The following PTCH1 variants were observed in gnomAD, a reference collection of about 807,000 sequenced individuals.
The protein encoded by PTCH1 is protein patched homolog 1.
PTCH1 carries 14 observed loss-of-function variants against 144.6 expected under a neutral mutation model. That is an observed-to-expected ratio of 0.10 (90% confidence interval 0.06 to 0.15). The LOEUF is 0.15. Ranked by LOEUF, PTCH1 falls within the 10% of genes least tolerant of loss-of-function variation. The pLI, the probability that PTCH1 is intolerant of heterozygous loss-of-function variation, is 1.00. For missense variants in PTCH1, 1,623 were observed against 1,948.3 expected, an observed-to-expected ratio of 0.83 and a Z score of 3.14; for synonymous variants, 833 against 793.6, an observed-to-expected ratio of 1.05 and a Z score of -0.83.
chr9:95,507,177 G>A, intron 1 of PTCH1: 2 of 985,588 alleles, frequency 2.0e-6, no homozygotes, highest in East Asian at 2.3e-4. Context: ...CATAGCGTGG[G>A]GAGAGGCTGT....
intron 2 of PTCH1, among the ~76,000 whole-genome samples, chr9:95,488,646 G>A (rs1842159861): frequency 6.6e-6 from 1 of 152,126 alleles, no homozygotes; most frequent in Non-Finnish European, 1.5e-5. Context: ...CAGGCAGTGG[G>A]GATGTGGTGG....
At chr9:95,508,038 AGTG>A in intron 1 of PTCH1, 120 bp downstream of exon 1, 1 of 1,356,060 alleles carries the variant, frequency 7.4e-7, no homozygotes, top group African/African-American at 2.0e-5. Context: ...GAGAGGTGTG[AGTG>A]AGTGTGTGTG....
rs369188439 is a variant in PTCH1, at chr9:95,516,096, G to A, written c.3+373C>T. 3.2e-4 allele frequency among the ~76,000 whole-genome samples: 48 copies of A among 152,168 alleles called. No individual in the cohort carries two copies. In the East Asian group the frequency reaches 5.2e-3, roughly 17 times the overall value. On this transcript the variant is annotated intron_variant, in intron 1 of 22. Coordinates refer to the PTCH1 transcript ENST00000430669. ...CACCAGGCTGATGAGCGGAAGCCAA[G>A]GTGGCGACCCTTTCAGGCGTGAAAA...
Position 95,508,310 on chromosome 9 carries a change from T to TGCC in PTCH1, c.49_51dup (p.Gly17dup), listed in dbSNP as rs756897237. ...CGTCCCGGGGCACCGATACAGCCGC[T>TGCC]GCCGCCGCCGCCGCGGTCCTGGGGC... On this transcript the variant is annotated inframe_insertion, in exon 1 of 24. Coordinates refer to ENST00000331920, the MANE Select transcript of PTCH1 (RefSeq NM_000264.5). 27 of 1,399,428 alleles carry TGCC rather than the reference T, an allele frequency of 1.9e-5. No individual in the cohort carries two copies. In the East Asian group the frequency reaches 2.9e-4, roughly 15 times the overall value. The allele number at this position is 1,399,428 out of a possible 1,614,324, so 86.7% of individuals were successfully genotyped here.
intron 14 of PTCH1, 91 bp downstream of exon 14, chr9:95,468,659 GA>G (rs1564032713): frequency 1.3e-6 from 2 of 1,523,944 alleles, no homozygotes; most frequent in Non-Finnish European, 9.0e-7. Context: ...TTTTTTTAAG[GA>G]AAAAGAAGAA....
rs538643667 is a variant in PTCH1, at chr9:95,469,093, A to G, written c.1908T>C (p.Asn636=). ...EPQAYTDTHD[N]TRYSPPPPYS... is the part of the protein sequence containing the mutation. ...AGGGAGGTGGGGGGCTGTAGCGGGT[A>G]TTGTCGTGTGTGTCGGTGTAGGCCT... Residue 636 remains asparagine, a synonymous_variant, in exon 14 of 24, where the codon AAT becomes AAC. Coordinates refer to ENST00000331920, the MANE Select transcript of PTCH1 (RefSeq NM_000264.5). 3.1e-6 allele frequency: 5 copies of G among 1,613,842 alleles called. No individual in the cohort carries two copies. Among genetic ancestry groups the G allele is most frequent in the Non-Finnish European group, 4.2e-6 (5 of 1,180,008 alleles).
At position 95,485,667 on chromosome 9, in the gene PTCH1, G is replaced by A. The variant is rs775769741; in HGVS notation, c.584+18C>T. ...CCTTACCTGCTGCTCATTAGTAGGTGGACGCGGCGGGCCTTACCTGTTGTA... is the reference window on the plus strand; with the variant it reads ...CCTTACCTGCTGCTCATTAGTAGGTAGACGCGGCGGGCCTTACCTGTTGTA... On this transcript the variant is annotated intron_variant, in intron 3 of 23. Coordinates refer to ENST00000331920, the MANE Select transcript of PTCH1 (RefSeq NM_000264.5). The A allele has an allele frequency of 1.2e-5, 20 of 1,613,822 alleles. No individual in the cohort carries two copies. In the South Asian group the frequency reaches 1.8e-4, roughly 14 times the overall value.
chr9:95,516,324 G>C (rs1844361718), intron 1 of PTCH1: 1 of 443,880 alleles, frequency 2.3e-6, no homozygotes, highest in African/African-American at 2.2e-5. Flanking sequence ...CCCGGCGCGC[G>C]GCCCGCCCCT....
intron 20 of PTCH1, chr9:95,452,446 T>C (rs1180919178): frequency 6.6e-6 from 1 of 152,226 alleles, no homozygotes; most frequent in Admixed American, 6.5e-5. Flanking sequence ...GACTATCTTT[T>C]ACTTATTGGT....
intron 2 of PTCH1, among the ~76,000 whole-genome samples, chr9:95,493,338 G>T (rs1318701225): frequency 2.0e-5 from 3 of 152,206 alleles, no homozygotes; most frequent in Non-Finnish European, 4.4e-5. Context: ...GGGACCAACC[G>T]AAGTTATTTT....
chr9:95,479,243 T>A (rs1032383758), intron 7 of PTCH1, 96 bp from the exon 8 acceptor site: 2 of 1,499,040 alleles, frequency 1.3e-6, no homozygotes, highest in African/African-American at 2.8e-5. Flanking sequence ...ACTCACTGGC[T>A]GCAATTCTTT....
chr9:95,505,480 G>A (rs1005372692), intron 2 of PTCH1, among the ~76,000 whole-genome samples: 5 of 152,132 alleles, frequency 3.3e-5, no homozygotes, highest in African/African-American at 1.2e-4. Flanking sequence ...CCAAAATAAT[G>A]TAAAAATGTT....
intron 15 of PTCH1, among the ~76,000 whole-genome samples, chr9:95,465,858 T>C (rs1588564267): frequency 1.3e-5 from 2 of 152,356 alleles, no homozygotes; most frequent in East Asian, 3.9e-4. Context: ...ATTGGGTGGA[T>C]AATTATCCTG....
chr9:95,460,403 C>T (rs1000614118), intron 16 of PTCH1, among the ~76,000 whole-genome samples: 11 of 152,122 alleles, frequency 7.2e-5, no homozygotes, highest in Admixed American at 3.3e-4. Context: ...TGTGCTCCCT[C>T]GGCAGGAGGG....
At position 95,467,332 on chromosome 9, in the gene PTCH1, G is replaced by C. The variant is rs1840101449; in HGVS notation, c.2344C>G (p.Pro782Ala). The change falls in exon 15 of 24, where the codon CCT (proline) becomes GCT (alanine). Residue 782 changes from proline (P) to alanine (A), a missense_variant. This residue lies in a region of PTCH1 where 504 missense variants were observed against 679.3 expected (regional missense o/e 0.74). Transcript: ENST00000331920. ...AAGTCATATTCTCTGGTTTCCCGAG[G>C]TACAATGTCCGTAAGGTCCAGCCCG... is the stretch of plus-strand genomic sequence containing the variant. ...RDGLDLTDIV[P>A]RETREYDFIA... The C allele has an allele frequency of 6.2e-7, 1 of 1,614,138 alleles. No individual in the cohort carries two copies.
At position 95,449,767 on chromosome 9, in the gene PTCH1, C is replaced by G. The variant is rs760180952; in HGVS notation, c.3549+74G>C. 158 of 1,362,444 alleles carry G rather than the reference C, an allele frequency of 1.2e-4. No homozygotes were observed. Among genetic ancestry groups the G allele is most frequent in the Non-Finnish European group, 1.6e-4 (151 of 959,830 alleles). 84.4% of individuals were successfully genotyped at this position (1,362,444 alleles called of 1,614,324 possible). ...AGCAAGTGGGGAGGCACCTAAGTAT[C>G]GAAGTGAAGAGCGGCACAGGAAACA... On this transcript the variant is annotated intron_variant, in intron 21 of 23. Coordinates refer to ENST00000331920, the MANE Select transcript of PTCH1 (RefSeq NM_000264.5). The surrounding 1 kb of genome is among the most constrained non-coding windows in gnomAD (Gnocchi z 5.3).
intron 12 of PTCH1, among the ~76,000 whole-genome samples, chr9:95,475,333 G>A (rs530684509): frequency 7.9e-5 from 12 of 152,230 alleles, no homozygotes; most frequent in Admixed American, 2.0e-4. Flanking sequence ...AGTCACGAGG[G>A]GCCCACGTGC....
At chr9:95,492,306 G>C (rs1401550370) in intron 2 of PTCH1, among the ~76,000 whole-genome samples, 1 of 152,052 alleles carries the variant, frequency 6.6e-6, no homozygotes, top group Non-Finnish European at 1.5e-5. Flanking sequence ...TGCATTAATG[G>C]AATGTCGTGG....
At chr9:95,475,513 C>T (rs1318530349) in intron 12 of PTCH1, among the ~76,000 whole-genome samples, 5 of 152,324 alleles carry the variant, frequency 3.3e-5, no homozygotes, top group Middle Eastern at 3.4e-3. Flanking sequence ...AAATTCTCCA[C>T]AGAGCCTCGC....
Sources: allele counts gnomAD v4.1 joint callset (sites outside exome capture counted in the v4.1 genomes callset), GRCh38; gene constraint gnomAD v4.1.1; regional missense constraint gnomAD v4.1.1; non-coding constraint Gnocchi (gnomAD v3.1); transcripts MANE v1.5; gene names NCBI Gene and HGNC (gene_info 2026-07-23, HGNC 2026-07-21).